The following ODAD2 variants were observed in gnomAD, a reference collection of about 807,000 sequenced individuals.
ODAD2 encodes the protein outer dynein arm docking complex subunit 2, also known as outer dynein arm-docking complex subunit 2.
Under a neutral mutation model 106.8 loss-of-function variants are expected in ODAD2, and 89 were observed. The ratio of observed to expected loss-of-function variants is 0.83; its 90% CI spans 0.70 to 0.99. ODAD2 has a LOEUF of 0.99. Ranked by LOEUF, ODAD2 falls within the 50% of genes least tolerant of loss-of-function variation. The pLI, the probability that ODAD2 is intolerant of heterozygous loss-of-function variation, is 0.00. For synonymous variants in ODAD2, 404 were observed against 436.2 expected (o/e 0.93, Z 0.92); for missense variants, 1,168 against 1,238.5 (o/e 0.94, Z 0.85).
chr10:27,820,143 C>T (rs1836485295), intron 19 of ODAD2, among the ~76,000 whole-genome samples: 1 of 152,152 alleles, frequency 6.6e-6, no homozygotes, highest in South Asian at 2.1e-4. Flanking sequence ...CTTCTGTCAG[C>T]ACCTGCTCCA....
At chr10:27,894,238 T>C (rs1363384160) in intron 17 of ODAD2, among the ~76,000 whole-genome samples, 1 of 152,110 alleles carries the variant, frequency 6.6e-6, no homozygotes, top group Non-Finnish European at 1.5e-5. Context: ...ACTTACAAAA[T>C]ATTCATTGAA....
intron 19 of ODAD2, among the ~76,000 whole-genome samples, chr10:27,820,630 A>G (rs1480165401): frequency 1.3e-5 from 2 of 152,092 alleles, no homozygotes; most frequent in African/African-American, 4.8e-5. Flanking sequence ...AGTAACTTCT[A>G]GTCCTGAGTG....
intron 16 of ODAD2, among the ~76,000 whole-genome samples, chr10:27,929,508 A>G (rs770081308): frequency 2.0e-5 from 3 of 152,154 alleles, no homozygotes; most frequent in Admixed American, 6.5e-5. Flanking sequence ...ATTTAAATGA[A>G]TTCAAAGGTT....
chr10:27,844,041 T>TA (rs1384865379), intron 19 of ODAD2, among the ~76,000 whole-genome samples: 1 of 151,132 alleles, frequency 6.6e-6, no homozygotes, highest in Non-Finnish European at 1.5e-5. Flanking sequence ...CTACAAACAA[T>TA]AAAAAAATTA....
intron 17 of ODAD2, among the ~76,000 whole-genome samples, chr10:27,868,980 A>T (rs1840658813): frequency 6.6e-6 from 1 of 152,012 alleles, no homozygotes; most frequent in South Asian, 2.1e-4. Flanking sequence ...TGTAAGATAA[A>T]ATTTCAATAG....
chr10:27,906,117 C>A (rs543599622), intron 17 of ODAD2, among the ~76,000 whole-genome samples: 1 of 152,220 alleles, frequency 6.6e-6, no homozygotes, highest in African/African-American at 2.4e-5. Flanking sequence ...ATCTATCAAT[C>A]TGACAAAGGG....
At chr10:27,964,929 C>A (rs1848393580) in intron 9 of ODAD2, among the ~76,000 whole-genome samples, 3 of 152,092 alleles carry the variant, frequency 2.0e-5, no homozygotes, top group Admixed American at 1.3e-4. Context: ...AGTGAATGAA[C>A]AAATGACTTC....
intron 10 of ODAD2, among the ~76,000 whole-genome samples, chr10:27,960,313 C>CATTATT (rs72020123): frequency 3.4e-4 from 47 of 138,690 alleles, no homozygotes; most frequent in East Asian, 8.4e-4. Flanking sequence ...TTATTTATTT[C>CATTATT]ATTATTATTA....
chr10:27,900,261 A>G (rs964102565), intron 17 of ODAD2, among the ~76,000 whole-genome samples: 1 of 152,200 alleles, frequency 6.6e-6, no homozygotes. Flanking sequence ...ACAGAAAGGA[A>G]TAGCATCAAC....
intron 3 of ODAD2, among the ~76,000 whole-genome samples, chr10:27,986,335 A>T (rs1403163784): frequency 6.6e-6 from 1 of 152,232 alleles, no homozygotes; most frequent in African/African-American, 2.4e-5. Context: ...GGTTATACCA[A>T]AATTCTTGCA....
chr10:27,833,765 G>A (rs1009021627), intron 19 of ODAD2, among the ~76,000 whole-genome samples: 4 of 152,186 alleles, frequency 2.6e-5, no homozygotes, highest in African/African-American at 9.6e-5. Context: ...TAGGGGTCTT[G>A]CAGTTTACTG....
chr10:27,874,539 G>T (rs1445396668), intron 17 of ODAD2, among the ~76,000 whole-genome samples: 2 of 152,108 alleles, frequency 1.3e-5, no homozygotes, highest in African/African-American at 4.8e-5. Context: ...AGCTTTTGTA[G>T]GGCAGGCCTG....
At chr10:27,875,632 A>G (rs2991938) in intron 17 of ODAD2, among the ~76,000 whole-genome samples, 151,922 of 152,222 alleles carry the variant, frequency 1, 75,812 homozygotes, top group East Asian at 1. Context: ...TGCAGAAGAC[A>G]GGTGATTTCT....
intron 19 of ODAD2, among the ~76,000 whole-genome samples, chr10:27,820,777 C>CTTTTTTTTTTTTTTT (rs72095120): frequency 6.0e-4 from 63 of 105,544 alleles, no homozygotes; most frequent in African/African-American, 2.3e-3. Flanking sequence ...AGCCCAGCAA[C>CTTTTTTTTTTTTTTT]TTTTTTTTTT....
chr10:27,976,948 G>A (rs528579763), intron 7 of ODAD2, among the ~76,000 whole-genome samples: 51 of 152,098 alleles, frequency 3.4e-4, no homozygotes, highest in South Asian at 1.9e-3. Flanking sequence ...ACAAATGAAC[G>A]ACTAATTTTT....
rs899251446 is a variant in ODAD2 at position 27,876,075 on chromosome 10, A to C, written c.2611-13453T>G. 2.0e-5 allele frequency among the ~76,000 whole-genome samples: 3 copies of C among 152,294 alleles called. No individual in the cohort carries two copies. The South Asian group carries it at 6.2e-4, about 32-fold the overall frequency. ...GCTCGAACTGCGTGGAGCCCACTGC[A>C]GCTCAAGGATGCCTGCCTGTCACTG... On this transcript the variant is annotated intron_variant, in intron 17 of 19. Transcript: ENST00000305242.
intron 7 of ODAD2, among the ~76,000 whole-genome samples, chr10:27,972,116 A>G (rs1157120835): frequency 6.6e-6 from 1 of 152,212 alleles, no homozygotes. Flanking sequence ...ATGTAGAAAT[A>G]AAATGTGTGA....
Position 27,895,536 on chromosome 10 carries a change from G to A in ODAD2, c.2610+12127C>T, listed in dbSNP as rs144968343. On this transcript the variant is annotated intron_variant, in intron 17 of 19. Coordinates refer to ENST00000305242, the MANE Select transcript of ODAD2 (RefSeq NM_018076.5). The stretch of plus-strand genomic sequence containing the variant: ...ACCCCTGGCTTCCAGCTATTCACCC[G>A]CCTCGGCCTCCCAAAGTGCTGGGAT... Among the ~76,000 whole-genome samples the A allele has an allele frequency of 3.5e-3, 529 of 152,200 alleles. 2 individuals carry two copies. The highest frequency in any genetic ancestry group is 0.012 in the African/African-American group (502 of 41,534).
At chr10:27,926,679 T>C (rs1470401459) in intron 16 of ODAD2, among the ~76,000 whole-genome samples, 1 of 152,182 alleles carries the variant, frequency 6.6e-6, no homozygotes, top group Non-Finnish European at 1.5e-5. Flanking sequence ...AAGTAAAATT[T>C]AGCAGAAAAT....
Sources: allele counts gnomAD v4.1 joint callset (sites outside exome capture counted in the v4.1 genomes callset), GRCh38; gene constraint gnomAD v4.1.1; transcripts MANE v1.5; gene names NCBI Gene and HGNC (gene_info 2026-07-23, HGNC 2026-07-21).